The following AGFG2 variants were observed in gnomAD, a reference collection of about 807,000 sequenced individuals.
The protein encoded by AGFG2 is arf-GAP domain and FG repeat-containing protein 2.
In AGFG2, 31 loss-of-function variants were observed where a neutral mutation model predicts 48.0. The observed-to-expected ratio is 0.65, with a 90% CI of 0.49 to 0.87. AGFG2 has a LOEUF of 0.87. AGFG2 is among the 40% of genes least tolerant of loss of function. The pLI is 0.00. For missense variants in AGFG2, 599 were observed against 632.6 expected (o/e 0.95, Z 0.57); for synonymous variants, 229 against 260.8 (o/e 0.88, Z 1.18).
intron 9 of AGFG2, 116 bp downstream of exon 9, chr7:100,563,062 G>A: frequency 9.1e-7 from 1 of 1,101,510 alleles, no homozygotes; most frequent in Non-Finnish European, 1.3e-6. Flanking sequence ...CAGACAGCCT[G>A]GTTCTTCCCC....
chr7:100,548,670 G>C, intron 1 of AGFG2, 152 bp from the exon 2 acceptor site: 2 of 591,184 alleles, frequency 3.4e-6, no homozygotes, highest in Non-Finnish European at 6.1e-6. Flanking sequence ...TTCTTTCCTG[G>C]AATTAGGAAG....
At position 100,562,601 on chromosome 7, in the gene AGFG2, G is replaced by C. The variant is rs371963111; in HGVS notation, c.1006G>C (p.Gly336Arg). Residue 336 changes from glycine (G) to arginine (R), a missense_variant, in exon 8 of 12, where the codon GGG becomes CGG. Physicochemically the swap from Gly to Arg is moderately radical, Grantham distance 125 (BLOSUM62 -2). Transcript: ENST00000300176. This position sits in a 1 kb window ranked among gnomAD's most constrained non-coding sequence, Gnocchi z 5.4. ...TCTCTCCCCGTGTTGTAGCCTCTTC[G>C]GGATGGCTGGCCAGGTCCCCCCGCT... ...PAAGVPSSLF[G>R]MAGQVPPLQS... 4.3e-6 allele frequency: 7 copies of C among 1,613,006 alleles called. No homozygotes were observed. In the East Asian group the frequency reaches 6.7e-5, roughly 15 times the overall value.
chr7:100,547,543 A>G (rs1201406554), intron 1 of AGFG2, among the ~76,000 whole-genome samples: 1 of 152,118 alleles, frequency 6.6e-6, no homozygotes, highest in Non-Finnish European at 1.5e-5. Context: ...CCTAGACCAG[A>G]ATAATACTTA....
chr7:100,560,986 T>C (rs1231127414), intron 6 of AGFG2, among the ~76,000 whole-genome samples: 1 of 137,114 alleles, frequency 7.3e-6, no homozygotes, highest in African/African-American at 2.8e-5. Context: ...TAATTTTTTT[T>C]TTTTTTGTAT....
chr7:100,564,994 C>T lies in AGFG2; in HGVS notation c.*3C>T, dbSNP rs750164974. ...CAACCACCAACCCCTTCTTGTAGCA[C>T]TGTGTTTTTGGGGGGCCTCTTCCCT... On this transcript the variant is annotated 3_prime_UTR_variant, in exon 12 of 12. Transcript: ENST00000300176. 5 of 1,614,182 alleles carry T rather than the reference C, an allele frequency of 3.1e-6. No homozygotes were observed. Among genetic ancestry groups the T allele is most frequent in the Non-Finnish European group, 4.2e-6 (5 of 1,179,986 alleles).
intron 1 of AGFG2, 65 bp downstream of exon 1, chr7:100,539,632 CG>C: frequency 1.2e-6 from 1 of 868,798 alleles, no homozygotes; most frequent in Non-Finnish European, 1.4e-6. Flanking sequence ...GTGGGGAGGC[CG>C]GGGCTCCGGG....
rs1257258732 is a variant in AGFG2 at position 100,565,230 on chromosome 7, A to G, written c.*239A>G. 2 of 588,270 alleles carry G rather than the reference A, an allele frequency of 3.4e-6. No homozygotes were observed. The highest frequency in any genetic ancestry group is 2.0e-5 in the South Asian group (1 of 49,968). The allele number at this position is 588,270 out of a possible 1,614,324, so 36.4% of individuals were successfully genotyped here. A position where few individuals can be genotyped will look rare whatever the true frequency, so the allele number is the denominator to read the frequency against. On this transcript the variant is annotated 3_prime_UTR_variant, in exon 12 of 12. Transcript: ENST00000300176. ...CCAGGAGGAGTGCGGGCAGGGCCTG[A>G]CCTGGAGGAGTGATGGTTGAGGGGG...
In AGFG2 at chr7:100,564,252, G is replaced by T; in HGVS notation, c.1335G>T (p.Leu445Phe). 6.2e-7 allele frequency: 1 copy of T among 1,613,688 alleles called. No individual in the cohort carries two copies. Among genetic ancestry groups the T allele is most frequent in the Non-Finnish European group, 8.5e-7 (1 of 1,179,852 alleles). ...TCGGGGACTTAGGATCAGCCAAGTT[G>T]GGGCAGAGGCCACTGAGCCAGCCAG... ...SSFGDLGSAK[L>F]GQRPLSQPAG... The change falls in exon 11 of 12, where the codon TTG becomes TTT. Residue 445 changes from leucine (L) to phenylalanine (F), a missense_variant. Physicochemically the swap from Leu to Phe is conservative, Grantham distance 22. Transcript: ENST00000300176.
At position 100,560,851 on chromosome 7, in the gene AGFG2, G is replaced by A. The variant is rs1286544015; in HGVS notation, c.878-1408G>A. On this transcript the variant is annotated intron_variant, in intron 6 of 11. Transcript: ENST00000300176. ...TTTTGAGACGGAGTCTCACTCTGTC[G>A]CCCAGGCTGGAGTGCAGTGATATGA... is the stretch of plus-strand genomic sequence containing the variant. 1.3e-4 allele frequency among the ~76,000 whole-genome samples: 17 copies of A among 128,416 alleles called. No individual in the cohort carries two copies. The East Asian group carries it at 2.0e-3, about 15-fold the overall frequency. The allele number at this position is 128,416 out of a possible 152,430, so 84.2% of individuals were successfully genotyped here. A position where few individuals can be genotyped will look rare whatever the true frequency, so the allele number is the denominator to read the frequency against.
In AGFG2 at chr7:100,562,658, A is replaced by T. The variant is rs532005562; in HGVS notation, c.1063A>T (p.Ser355Cys). Residue 355 changes from serine (S) to cysteine (C), a missense_variant, in exon 8 of 12, where the codon AGC becomes TGC. By Grantham distance (112) the Ser-to-Cys change is moderately radical. Transcript: ENST00000300176. This position sits in a 1 kb window ranked among gnomAD's most constrained non-coding sequence, Gnocchi z 5.4. ...TGTCACGATGGGCGGCGGCGGCGGCAGCAGCACAGGGCTGGCCTTTGGAGG... is the reference window on the plus strand; with the variant it reads ...TGTCACGATGGGCGGCGGCGGCGGCTGCAGCACAGGGCTGGCCTTTGGAGG... The part of the protein sequence containing the change: ...QSVTMGGGGG[S>C]STGLAFGAFT... 6.2e-7 allele frequency: 1 copy of T among 1,609,140 alleles called. No individual in the cohort carries two copies. The highest frequency in any genetic ancestry group is 1.1e-5 in the South Asian group (1 of 91,000).
intron 11 of AGFG2, 29 bp downstream of exon 11, chr7:100,564,332 AGGGCTCGT>A: frequency 6.3e-7 from 1 of 1,599,090 alleles, no homozygotes; most frequent in Non-Finnish European, 8.5e-7. Flanking sequence ...GTGCTGTGGT[AGGGCTCGT>A]GGGCTTTCCC....
chr7:100,553,759 G>C (rs566539696), intron 4 of AGFG2, among the ~76,000 whole-genome samples: 1 of 152,348 alleles, frequency 6.6e-6, no homozygotes, highest in African/African-American at 2.4e-5. Flanking sequence ...AAGAAACACA[G>C]AAGGGGCTGG....
Position 100,562,646 on chromosome 7 carries a change from G to A in AGFG2, c.1051G>A (p.Gly351Ser), listed in dbSNP as rs142258495. 8.7e-6 allele frequency: 14 copies of A among 1,610,338 alleles called. No individual in the cohort carries two copies. Among genetic ancestry groups the A allele is most frequent in the Admixed American group, 3.3e-5 (2 of 59,964 alleles). The change falls in exon 8 of 12, where the codon GGC (glycine) becomes AGC (serine). Residue 351 changes from glycine to serine, a missense_variant. Physicochemically the swap from Gly to Ser is moderately conservative, Grantham distance 56 (BLOSUM62 0). Transcript: ENST00000300176. The surrounding 1 kb of genome is among the most constrained non-coding windows in gnomAD (Gnocchi z 5.4). ...CCCGCTCCAGTCTGTCACGATGGGC[G>A]GCGGCGGCGGCAGCAGCACAGGGCT... ...VPPLQSVTMG[G>S]GGGSSTGLAF...
chr7:100,560,808 CT>C (rs66837050), intron 6 of AGFG2, among the ~76,000 whole-genome samples: 2,656 of 112,750 alleles, frequency 0.024, 14 homozygotes, highest in Middle Eastern at 0.054. Flanking sequence ...GAAGATCTCC[CT>C]TTTTTTTTTT....
Position 100,539,482 on chromosome 7 carries a change from C to T in AGFG2, c.136C>T (p.His46Tyr). 7.6e-7 allele frequency: 1 copy of T among 1,318,722 alleles called. No individual in the cohort carries two copies. Among genetic ancestry groups the T allele is most frequent in the Non-Finnish European group, 9.7e-7 (1 of 1,028,612 alleles). 81.7% of individuals were successfully genotyped at this position (1,318,722 alleles called of 1,614,324 possible). ...TGGCTGCAGCCAGGCCGGGAACCGC[C>T]ACTGCTTCGAGTGCGCCCAGCGCGG... ...LGGCSQAGNR[H>Y]CFECAQRGVT... is the part of the protein sequence containing the mutation. The change falls in exon 1 of 12, where the codon CAC (histidine) becomes TAC (tyrosine). Residue 46 changes from histidine to tyrosine, a missense_variant. By Grantham distance (83) the His-to-Tyr change is moderately conservative. Transcript: ENST00000300176.
At chr7:100,557,445 G>A (rs1029517914) in intron 6 of AGFG2, among the ~76,000 whole-genome samples, 29 of 151,998 alleles carry the variant, frequency 1.9e-4, no homozygotes, top group African/African-American at 7.0e-4. Flanking sequence ...TCACATTTTG[G>A]TTTTTGTTGT....
chr7:100,553,211 C>T lies in AGFG2; in HGVS notation c.432-136C>T, dbSNP rs796416265. On this transcript the variant is annotated intron_variant, in intron 3 of 11. Coordinates refer to ENST00000300176, the MANE Select transcript of AGFG2 (RefSeq NM_006076.5). ...ATAGGCAGAACTTTGCTAAGTTGCTCGGTTCCCTTCAAAAAAGGGAATCAG... is the reference window on the plus strand; with the variant it reads ...ATAGGCAGAACTTTGCTAAGTTGCTTGGTTCCCTTCAAAAAAGGGAATCAG... The T allele has an allele frequency of 6.2e-5, 70 of 1,133,438 alleles. 1 individual carries two copies. Among genetic ancestry groups the T allele is most frequent in the African/African-American group, 4.2e-4 (27 of 64,014 alleles). 70.2% of individuals were successfully genotyped at this position (1,133,438 alleles called of 1,614,324 possible). A position where few individuals can be genotyped will look rare whatever the true frequency, so the allele number is the denominator to read the frequency against.
rs1306576715 is a variant in AGFG2, at chr7:100,565,932, A to G, written c.*941A>G. On this transcript the variant is annotated 3_prime_UTR_variant, in exon 12 of 12. Transcript: ENST00000300176. ...TTCTCCATGTGCCTCCCTGTCCCCAAATCTCTGCACCAAAGCTCATTGCAG... is the reference window on the plus strand; with the variant it reads ...TTCTCCATGTGCCTCCCTGTCCCCAGATCTCTGCACCAAAGCTCATTGCAG... 2.0e-5 allele frequency: 3 copies of G among 150,666 alleles called. No individual in the cohort carries two copies. Among genetic ancestry groups the G allele is most frequent in the African/African-American group, 4.9e-5 (2 of 40,712 alleles). The allele number at this position is 150,666 out of a possible 1,614,324, so 9.3% of individuals were successfully genotyped here.
chr7:100,539,440 C>T lies in AGFG2; in HGVS notation c.94C>T (p.Arg32Trp), dbSNP rs1348649729. 2.3e-6 allele frequency: 3 copies of T among 1,322,630 alleles called. No homozygotes were observed. The highest frequency in any genetic ancestry group is 2.9e-6 in the Non-Finnish European group (3 of 1,032,640). The allele number at this position is 1,322,630 out of a possible 1,614,324, so 81.9% of individuals were successfully genotyped here. ...GGCGGCCTCGGAGGTGTGGTGCCGT[C>T]GGGTGCGGGAGCTGGGTGGCTGCAG... Reference protein sequence around the residue: ...AEAASEVWCRRVRELGGCSQA... With the variant: ...AEAASEVWCRWVRELGGCSQA... The change falls in exon 1 of 12, where the codon CGG (arginine) becomes TGG (tryptophan). Residue 32 changes from arginine (R) to tryptophan (W), a missense_variant. Coordinates refer to ENST00000300176, the MANE Select transcript of AGFG2 (RefSeq NM_006076.5).
Sources: gnomAD v4.1 joint callset for allele counts (sites outside exome capture counted in the v4.1 genomes callset) on GRCh38, gnomAD v4.1.1 for gene constraint, Gnocchi (gnomAD v3.1) non-coding constraint, MANE v1.5 for transcripts, NCBI Gene and HGNC (gene_info 2026-07-23, HGNC 2026-07-21) for gene names.